The following ANK3 variants were observed in gnomAD, a reference collection of about 807,000 sequenced individuals.
The protein encoded by ANK3 is ankyrin-3.
ANK3 carries 57 observed loss-of-function variants against 370.9 expected under a neutral mutation model. The ratio of observed to expected loss-of-function variants is 0.15; its 90% confidence interval spans 0.12 to 0.19. The LOEUF is 0.19. Among genes scored for constraint, ANK3 ranks in the 10% least tolerant of loss-of-function variants. The pLI is 1.00. For missense variants in ANK3, 4,439 were observed against 5,302.1 expected (o/e 0.84, Z 5.06); for synonymous variants, 1,929 against 1,946.3 (o/e 0.99, Z 0.23).
intron 35 of ANK3, 32 bp downstream of exon 35, chr10:60,082,118 T>C: frequency 1.3e-6 from 2 of 1,573,608 alleles, no homozygotes; most frequent in Non-Finnish European, 1.7e-6. Context: ...ATTCTACTTC[T>C]GATAGAATAA....
intron 28 of ANK3, among the ~76,000 whole-genome samples, chr10:60,097,318 G>T (rs972303784): frequency 1.3e-5 from 2 of 152,220 alleles, no homozygotes; most frequent in African/African-American, 4.8e-5. Flanking sequence ...TCACACGAGT[G>T]GTGGTTGATA....
intron 16 of ANK3, among the ~76,000 whole-genome samples, chr10:60,194,362 T>C (rs551013491): frequency 5.9e-5 from 9 of 152,304 alleles, no homozygotes; most frequent in Non-Finnish European, 1.2e-4. Context: ...CTGCAGAACT[T>C]TTTAGTCTTC....
intron 40 of ANK3, among the ~76,000 whole-genome samples, chr10:60,061,503 T>G (rs1443821357): frequency 6.6e-6 from 1 of 152,176 alleles, no homozygotes; most frequent in African/African-American, 2.4e-5. Context: ...TAGAAGAATG[T>G]ATAAACTATA....
At chr10:60,100,031 T>A (rs2090908248) in intron 28 of ANK3, among the ~76,000 whole-genome samples, 1 of 152,202 alleles carries the variant, frequency 6.6e-6, no homozygotes, top group African/African-American at 2.4e-5. Context: ...CAAATCCATA[T>A]ATGCAAATGC....
chr10:60,401,085 A>C (rs1247116058), intron 2 of ANK3, among the ~76,000 whole-genome samples: 1 of 152,242 alleles, frequency 6.6e-6, no homozygotes, highest in Non-Finnish European at 1.5e-5. Context: ...AAAAATCAGA[A>C]GAACAAAAAA....
intron 2 of ANK3, among the ~76,000 whole-genome samples, chr10:60,472,592 A>G (rs1204462683): frequency 6.6e-6 from 1 of 152,184 alleles, no homozygotes; most frequent in Non-Finnish European, 1.5e-5. Context: ...AGTGAGATAT[A>G]GTTGCAGCAT....
At chr10:60,097,093 T>A (rs576080538) in intron 28 of ANK3, among the ~76,000 whole-genome samples, 1 of 152,316 alleles carries the variant, frequency 6.6e-6, no homozygotes, top group East Asian at 1.9e-4. Context: ...TTACTGAAGG[T>A]CTATTTTGTG....
chr10:60,594,138 TTAAAA>T (rs2077955166), intron 2 of ANK3, among the ~76,000 whole-genome samples: 1 of 152,098 alleles, frequency 6.6e-6, no homozygotes. Flanking sequence ...TGAGAAAAAA[TTAAAA>T]TAATCAGTTT....
chr10:60,477,600 G>T (rs2075105972), intron 2 of ANK3, among the ~76,000 whole-genome samples: 1 of 147,334 alleles, frequency 6.8e-6, no homozygotes, highest in Non-Finnish European at 1.5e-5. Context: ...AGTGTTACAG[G>T]GCTATTAAAA....
chr10:60,346,514 G>A (rs1400729928), intron 1 of ANK3, among the ~76,000 whole-genome samples: 2 of 151,958 alleles, frequency 1.3e-5, no homozygotes, highest in Non-Finnish European at 2.9e-5. Flanking sequence ...TACTAAATTA[G>A]TAAAGATTAA....
chr10:60,052,614 G>T (rs984764993), intron 42 of ANK3, among the ~76,000 whole-genome samples: 11 of 152,110 alleles, frequency 7.2e-5, no homozygotes, highest in Admixed American at 6.5e-4. Flanking sequence ...CTACCAAGGG[G>T]CAAATAGTTC....
At chr10:60,204,686 CAG>C (rs1196606403) in intron 11 of ANK3, among the ~76,000 whole-genome samples, 1 of 152,026 alleles carries the variant, frequency 6.6e-6, no homozygotes, top group East Asian at 1.9e-4. Context: ...ATGGGCCAGA[CAG>C]TGTGGGTATA....
intron 1 of ANK3, among the ~76,000 whole-genome samples, chr10:60,358,773 C>A (rs1351423391): frequency 6.6e-6 from 1 of 152,178 alleles, no homozygotes; most frequent in African/African-American, 2.4e-5. Context: ...CCTTTCTGAG[C>A]CTAACACACA....
At chr10:60,551,627 C>T (rs138579398) in intron 2 of ANK3, among the ~76,000 whole-genome samples, 337 of 150,536 alleles carry the variant, frequency 2.2e-3, no homozygotes, top group Non-Finnish European at 3.8e-3. Context: ...AATACTATTG[C>T]TTATGAAATT....
intron 2 of ANK3, among the ~76,000 whole-genome samples, chr10:60,576,560 T>G (rs917865834): frequency 6.6e-6 from 1 of 152,240 alleles, no homozygotes; most frequent in Non-Finnish European, 1.5e-5. Context: ...CTTCCATTGA[T>G]ATTCAGCAGA....
chr10:60,427,123 TCA>T (rs2063905626), intron 2 of ANK3, among the ~76,000 whole-genome samples: 2 of 152,138 alleles, frequency 1.3e-5, no homozygotes, highest in African/African-American at 4.8e-5. Flanking sequence ...AGAGAATAAT[TCA>T]CAGAGTCAGA....
At chr10:60,570,774 A>G (rs1463278031) in intron 2 of ANK3, among the ~76,000 whole-genome samples, 2 of 152,138 alleles carry the variant, frequency 1.3e-5, no homozygotes, top group African/African-American at 4.8e-5. Flanking sequence ...AATTGACTTT[A>G]TATTGTGCTC....
At chr10:60,535,832 G>GA (rs200206417) in intron 2 of ANK3, among the ~76,000 whole-genome samples, 74 of 149,486 alleles carry the variant, frequency 5.0e-4, no homozygotes, top group African/African-American at 1.6e-3. Flanking sequence ...GAGATGATTA[G>GA]AAAAAAAAAT....
rs534031436 is a variant in ANK3 at position 60,319,331 on chromosome 10, A to G, written c.115-39692T>C. ...TTAATAGGCCAGGAAACCAATGCTC[A>G]TAGAGATTAAAAACCTTTCCCCAAA... is the stretch of plus-strand genomic sequence containing the variant. On this transcript the variant is annotated intron_variant, in intron 1 of 43. Coordinates refer to ENST00000280772, the MANE Select transcript of ANK3 (RefSeq NM_020987.5). Among the ~76,000 whole-genome samples the G allele has an allele frequency of 3.3e-5, 5 of 152,312 alleles. No homozygotes were observed. The South Asian group carries it at 8.3e-4, about 25-fold the overall frequency.
Sources: gnomAD v4.1 joint callset for allele counts (sites outside exome capture counted in the v4.1 genomes callset) on GRCh38, gnomAD v4.1.1 for gene constraint, MANE v1.5 for transcripts, NCBI Gene and HGNC (gene_info 2026-07-23, HGNC 2026-07-21) for gene names.